HIRA: variants seen among roughly 807,000 people sequenced by gnomAD.
HIRA encodes the protein protein HIRA.
Under a neutral mutation model 126.6 loss-of-function variants are expected in HIRA, and 13 were observed. That is an observed-to-expected ratio of 0.10 (90% CI 0.07 to 0.16). The LOEUF is 0.16. Among genes scored for constraint, HIRA ranks in the 10% least tolerant of loss-of-function variants. The probability of loss-of-function intolerance (pLI) is 1.00; values close to 1 mark genes in which losing one functional copy is unlikely to be tolerated. For missense variants in HIRA, 834 were observed against 1,314.4 expected (o/e 0.63, Z 5.65); for synonymous variants, 511 against 520.0 (o/e 0.98, Z 0.24).
Position 19,351,531 on chromosome 22 carries a change from A to G in HIRA, c.2849-85T>C. On this transcript the variant is annotated intron_variant, in intron 23 of 24. Transcript: ENST00000263208. The surrounding 1 kb of genome is among the most constrained non-coding windows in gnomAD (Gnocchi z 4.8). ...ATTACAAAAAGAAATAAAATCAAGA[A>G]TATGTTGTTGTGTCTATCAAATCAG... 2 of 1,057,622 alleles carry G rather than the reference A, an allele frequency of 1.9e-6. No homozygotes were observed. Among genetic ancestry groups the G allele is most frequent in the Admixed American group, 2.0e-5 (1 of 51,028 alleles). The allele number at this position is 1,057,622 out of a possible 1,614,324, so 65.5% of individuals were successfully genotyped here.
At chr22:19,333,745 T>TACCA (rs1412816736) in intron 24 of HIRA, among the ~76,000 whole-genome samples, 1 of 152,232 alleles carries the variant, frequency 6.6e-6, no homozygotes, top group African/African-American at 2.4e-5. Flanking sequence ...TGGTGTCTGG[T>TACCA]AAGTCTCTTA....
rs367959199 is a variant in HIRA at position 19,359,402 on chromosome 22, C to T, written c.2168G>A (p.Cys723Tyr). ...VGGVKLSRLK[C>Y]NREGKEWETV... ...CTCCCACTCCTTCCCTTCCCGGTTG[C>T]ACTTCAGGCGGCTCAGCTTCACGCC... Residue 723 changes from cysteine (C) to tyrosine (Y), a missense_variant, in exon 18 of 25, where the codon TGC (cysteine) becomes TAC (tyrosine). This residue lies in a region of HIRA where 468 missense variants were observed against 574.2 expected (regional missense o/e 0.82). Transcript: ENST00000263208. 10 of 1,610,694 alleles carry T rather than the reference C, an allele frequency of 6.2e-6. No homozygotes were observed. In the African/African-American group the frequency reaches 1.3e-4, roughly 22 times the overall value.
At chr22:19,420,390 C>T (rs1864277484) in intron 1 of HIRA, among the ~76,000 whole-genome samples, 1 of 136,636 alleles carries the variant, frequency 7.3e-6, no homozygotes, top group African/African-American at 2.8e-5. Context: ...CTATTGAGCT[C>T]GGGAGGTCGA....
At chr22:19,377,020 C>T (rs2089025227) in intron 14 of HIRA, among the ~76,000 whole-genome samples, 1 of 152,218 alleles carries the variant, frequency 6.6e-6, no homozygotes, top group African/African-American at 2.4e-5. Context: ...ACACCTTGGC[C>T]TTCTCCCTCT....
chr22:19,380,276 T>C lies in HIRA; in HGVS notation c.1416-2210A>G, dbSNP rs1601831247. Among the ~76,000 whole-genome samples the C allele has an allele frequency of 2.6e-5, 4 of 152,224 alleles. No individual in the cohort carries two copies. In the East Asian group the frequency reaches 7.7e-4, roughly 29 times the overall value. ...TAACAATTTAAAAAGAAACAAACTA[T>C]AAGCTGTTTAGAATGTATGTAATGA... On this transcript the variant is annotated intron_variant, in intron 13 of 24. Transcript: ENST00000263208.
intron 15 of HIRA, among the ~76,000 whole-genome samples, chr22:19,367,733 A>G (rs1456529749): frequency 6.6e-6 from 1 of 152,216 alleles, no homozygotes; most frequent in Non-Finnish European, 1.5e-5. Context: ...GCCTAAAAAT[A>G]ACTTCATTTG....
In HIRA at chr22:19,383,804, CTA is replaced by C. The variant is rs1453234729; in HGVS notation, c.1330-101_1330-100del. On this transcript the variant is annotated intron_variant, in intron 12 of 24. Transcript: ENST00000263208. ...TCTTTTTTTCCTGGTGATAAGAACA[CTA>C]AGCATAAGATCCACCCTCTTAGCAA... is the stretch of plus-strand genomic sequence containing the variant. The C allele has an allele frequency of 4.6e-6, 4 of 875,260 alleles. No homozygotes were observed. In the African/African-American group the frequency reaches 6.7e-5, roughly 15 times the overall value. The allele number at this position is 875,260 out of a possible 1,614,324, so 54.2% of individuals were successfully genotyped here. A position where few individuals can be genotyped will look rare whatever the true frequency, so the allele number is the denominator to read the frequency against.
chr22:19,367,517 C>A (rs1336003962), intron 15 of HIRA, among the ~76,000 whole-genome samples: 2 of 152,216 alleles, frequency 1.3e-5, no homozygotes, highest in African/African-American at 4.8e-5. Flanking sequence ...CAGGCACGCA[C>A]CACCACGCCC....
chr22:19,332,796 G>C (rs1286375065), intron 24 of HIRA, among the ~76,000 whole-genome samples: 1 of 143,178 alleles, frequency 7.0e-6, no homozygotes, highest in Non-Finnish European at 1.5e-5. Context: ...AAAGACTAAA[G>C]AAAAAAAGGA....
At chr22:19,416,329 T>C (rs1208688668) in intron 1 of HIRA, among the ~76,000 whole-genome samples, 1 of 152,122 alleles carries the variant, frequency 6.6e-6, no homozygotes, top group Non-Finnish European at 1.5e-5. Context: ...CTTTCTTTCT[T>C]TTCTTTTTTT....
intron 15 of HIRA, among the ~76,000 whole-genome samples, chr22:19,368,930 C>T (rs1204345620): frequency 1.3e-5 from 2 of 152,194 alleles, no homozygotes; most frequent in Non-Finnish European, 1.5e-5. Context: ...CTGCCAGATG[C>T]CCCATTCAGG....
intron 15 of HIRA, among the ~76,000 whole-genome samples, chr22:19,369,398 C>T (rs1438705507): frequency 6.6e-6 from 1 of 152,182 alleles, no homozygotes; most frequent in Non-Finnish European, 1.5e-5. Context: ...ACATGTGCTG[C>T]TCACCGTGAG....
At chr22:19,422,390 G>GTC (rs1221763566) in intron 1 of HIRA, among the ~76,000 whole-genome samples, 1 of 151,776 alleles carries the variant, frequency 6.6e-6, no homozygotes, top group Non-Finnish European at 1.5e-5. Flanking sequence ...ATTATAACTG[G>GTC]TCTCCTGGCT....
chr22:19,405,695 G>C, intron 5 of HIRA, 91 bp downstream of exon 5: 1 of 1,026,128 alleles, frequency 9.7e-7, no homozygotes, highest in Non-Finnish European at 1.3e-6. Flanking sequence ...GCTGCTTTAA[G>C]GACCAAACAG....
At position 19,355,885 on chromosome 22, in the gene HIRA, G is replaced by A. The variant is rs1556012393; in HGVS notation, c.2456-20C>T. ...CACTTCCTGAGGACAGCATGGGAAT[G>A]AGTTCTGGGTGTGCTCTGATCAGCA... On this transcript the variant is annotated intron_variant, in intron 20 of 24. Coordinates refer to ENST00000263208, the MANE Select transcript of HIRA (RefSeq NM_003325.4). 6.5e-7 allele frequency: 1 copy of A among 1,539,122 alleles called. No individual in the cohort carries two copies.
Position 19,394,375 on chromosome 22 carries a change from G to A in HIRA, c.789C>T (p.Asp263=), listed in dbSNP as rs1033952657. 5 of 1,614,160 alleles carry A rather than the reference G, an allele frequency of 3.1e-6. No homozygotes were observed. Among genetic ancestry groups the A allele is most frequent in the Non-Finnish European group, 4.2e-6 (5 of 1,180,038 alleles). ...IEREGWKTNM[D]FVGHRKAVTV... ...TCACAGCTTTCCGGTGCCCAACAAAGTCCATGTTGGTCTTCCATCCCTCCC... is the reference window on the plus strand; with the variant it reads ...TCACAGCTTTCCGGTGCCCAACAAAATCCATGTTGGTCTTCCATCCCTCCC... Residue 263 remains aspartate (D), a synonymous_variant, in exon 8 of 25, where the codon GAC becomes GAT. Coordinates refer to ENST00000263208, the MANE Select transcript of HIRA (RefSeq NM_003325.4).
intron 1 of HIRA, among the ~76,000 whole-genome samples, chr22:19,420,473 A>AC (rs2089436735): frequency 6.7e-6 from 1 of 149,066 alleles, no homozygotes; most frequent in Admixed American, 6.7e-5. Flanking sequence ...AAAAAAAAAA[A>AC]AAAAAAAACC....
At chr22:19,343,928 T>C (rs1377682123) in intron 24 of HIRA, among the ~76,000 whole-genome samples, 2 of 149,150 alleles carry the variant, frequency 1.3e-5, no homozygotes, top group African/African-American at 4.9e-5. Flanking sequence ...CTCAGGCTGG[T>C]CTCGAATTCC....
At chr22:19,428,767 C>T (rs1053086627) in intron 1 of HIRA, among the ~76,000 whole-genome samples, 2 of 152,030 alleles carry the variant, frequency 1.3e-5, no homozygotes, top group African/African-American at 4.8e-5. Flanking sequence ...GGCAACACTG[C>T]AAGATCCCAT....
Sources: allele counts gnomAD v4.1 joint callset (sites outside exome capture counted in the v4.1 genomes callset), GRCh38; gene constraint gnomAD v4.1.1; regional missense constraint gnomAD v4.1.1; non-coding constraint Gnocchi (gnomAD v3.1); transcripts MANE v1.5; gene names NCBI Gene and HGNC (gene_info 2026-07-23, HGNC 2026-07-21).